The following TUFT1 variants were observed in gnomAD, a reference collection of about 807,000 sequenced individuals.
TUFT1 encodes tuftelin 1.
TUFT1 carries 43 observed loss-of-function variants against 57.8 expected under a neutral mutation model. The observed-to-expected ratio is 0.74, with a 90% CI of 0.58 to 0.96. The LOEUF (loss-of-function observed/expected upper bound fraction) is 0.96, where lower values mean the gene tolerates loss of function less well. TUFT1 is among the 40% of genes least tolerant of loss of function. The pLI, the probability that TUFT1 is intolerant of heterozygous loss-of-function variation, is 0.00. For synonymous variants in TUFT1, 166 were observed against 176.7 expected, an observed-to-expected ratio of 0.94 and a Z score of 0.48; for missense variants, 459 against 489.0, an observed-to-expected ratio of 0.94 and a Z score of 0.58.
Position 151,545,984 on chromosome 1 carries a change from C to T in TUFT1, c.60+5558C>T, listed in dbSNP as rs937592723. The T allele has an allele frequency of 3.4e-5, 10 of 290,476 alleles. No individual in the cohort carries two copies. In the East Asian group the frequency reaches 5.1e-4, roughly 15 times the overall value. The allele number at this position is 290,476 out of a possible 1,614,324, so 18.0% of individuals were successfully genotyped here. A position where few individuals can be genotyped will look rare whatever the true frequency, so the allele number is the denominator to read the frequency against. On this transcript the variant is annotated intron_variant, in intron 1 of 12. Coordinates refer to ENST00000368849, the MANE Select transcript of TUFT1 (RefSeq NM_020127.3). ...TAATATATCAGTTTTATCTTTCTTT[C>T]GAATATTTGCATTTTTTTCTTTTTT... is the stretch of plus-strand genomic sequence containing the variant.
chr1:151,573,974 A>G (rs1666356203), intron 7 of TUFT1, among the ~76,000 whole-genome samples: 2 of 152,262 alleles, frequency 1.3e-5, no homozygotes, highest in East Asian at 1.9e-4. Context: ...TGGAGGGTTC[A>G]TGGGGATGTT....
chr1:151,582,808 AGGG>A lies in TUFT1; in HGVS notation c.*1102_*1104del, dbSNP rs1666683522. The A allele has an allele frequency of 6.6e-6, 1 of 152,418 alleles. No homozygotes were observed. Among genetic ancestry groups the A allele is most frequent in the African/African-American group, 2.4e-5 (1 of 41,418 alleles). The allele number at this position is 152,418 out of a possible 1,614,324, so 9.4% of individuals were successfully genotyped here. A position where few individuals can be genotyped will look rare whatever the true frequency, so the allele number is the denominator to read the frequency against. ...CAGAGTATATGTTGTTTGGAGAAAG[AGGG>A]CAATCAGGACTCTTCTGGGACCCAG... is the stretch of plus-strand genomic sequence containing the variant. On this transcript the variant is annotated 3_prime_UTR_variant, in exon 13 of 13. Transcript: ENST00000368849.
intron 9 of TUFT1, among the ~76,000 whole-genome samples, chr1:151,575,983 C>T (rs1004983615): frequency 2.0e-5 from 3 of 152,086 alleles, no homozygotes; most frequent in Non-Finnish European, 1.5e-5. Context: ...ACTCCTTCCT[C>T]GGTGGGTAGG....
At chr1:151,544,329 C>G (rs1665264887) in intron 1 of TUFT1, among the ~76,000 whole-genome samples, 1 of 152,026 alleles carries the variant, frequency 6.6e-6, no homozygotes, top group Admixed American at 6.6e-5. Context: ...TGGAGTCTCA[C>G]TCTGTCACCC....
chr1:151,575,530 G>A (rs1015984569), intron 9 of TUFT1, among the ~76,000 whole-genome samples: 4 of 152,162 alleles, frequency 2.6e-5, no homozygotes, highest in Non-Finnish European at 5.9e-5. Flanking sequence ...TGATCACTGA[G>A]ATCCTTTCTA....
In TUFT1 at chr1:151,574,909, A is replaced by G; in HGVS notation, c.724-2A>G. ...CTAGATTTTCTTTTGTGGCCCACCCAGGAGCATCAGGCCTTACTGGCGAAA... is the reference window on the plus strand; with the variant it reads ...CTAGATTTTCTTTTGTGGCCCACCCGGGAGCATCAGGCCTTACTGGCGAAA... On this transcript the variant is annotated splice_acceptor_variant, in intron 8 of 12. Transcript: ENST00000368849. LOFTEE classifies it high-confidence loss of function. 6.4e-6 allele frequency: 10 copies of G among 1,566,072 alleles called. No homozygotes were observed. The highest frequency in any genetic ancestry group is 8.7e-6 in the Non-Finnish European group (10 of 1,154,730).
At chr1:151,564,034 T>G in intron 4 of TUFT1, 44 bp downstream of exon 4, 9 of 1,465,694 alleles carry the variant, frequency 6.1e-6, no homozygotes, top group African/African-American at 2.8e-5. Flanking sequence ...GTCATTTCTC[T>G]AAATCTCACA....
At chr1:151,540,783 C>A in intron 1 of TUFT1, 1 of 242,074 alleles carries the variant, frequency 4.1e-6, no homozygotes, top group Non-Finnish European at 8.2e-6. Context: ...GGTCCCTGAG[C>A]GCCTTTGGAC....
intron 7 of TUFT1, among the ~76,000 whole-genome samples, chr1:151,573,744 C>CA (rs796875232): frequency 1.3e-4 from 19 of 150,742 alleles, no homozygotes; most frequent in South Asian, 8.4e-4. Context: ...AACTCTGTCT[C>CA]AAAAAAAAAT....
In TUFT1 at chr1:151,564,541, A is replaced by T; in HGVS notation, c.341A>T (p.Gln114Leu). The T allele has an allele frequency of 6.2e-7, 1 of 1,614,122 alleles. No individual in the cohort carries two copies. Among genetic ancestry groups the T allele is most frequent in the Non-Finnish European group, 8.5e-7 (1 of 1,179,992 alleles). ...QYIQEARNCLQKLREDISSKL... is the reference protein window; with the variant it reads ...QYIQEARNCLLKLREDISSKL... Reference sequence around the variant, plus strand: ...CCCTCCCAGGCCAGGAACTGCCTACAGAAGCTCCGGGAGGATATAAGTAGC... The same window carrying T: ...CCCTCCCAGGCCAGGAACTGCCTACTGAAGCTCCGGGAGGATATAAGTAGC... The change falls in exon 5 of 13, where the codon CAG (glutamine) becomes CTG (leucine). Residue 114 changes from glutamine (Q) to leucine (L), a missense_variant. Coordinates refer to ENST00000368849, the MANE Select transcript of TUFT1 (RefSeq NM_020127.3).
At chr1:151,577,636 G>C (rs1410341939) in intron 9 of TUFT1, among the ~76,000 whole-genome samples, 19 of 152,158 alleles carry the variant, frequency 1.2e-4, no homozygotes, top group Admixed American at 1.2e-3. Flanking sequence ...AGGAGACCTA[G>C]AAACAAAATT....
At chr1:151,545,011 GT>G (rs1463041048) in intron 1 of TUFT1, among the ~76,000 whole-genome samples, 16 of 152,048 alleles carry the variant, frequency 1.1e-4, no homozygotes, top group African/African-American at 3.6e-4. Context: ...TAGCATTGTG[GT>G]CAAGAGCATG....
At chr1:151,540,864 A>G (rs577165151) in intron 1 of TUFT1, 4 of 164,802 alleles carry the variant, frequency 2.4e-5, no homozygotes, top group African/African-American at 7.2e-5. Context: ...AGGCCCTCCA[A>G]AGAATTTCAT....
chr1:151,566,774 T>A (rs946839800), intron 6 of TUFT1, among the ~76,000 whole-genome samples: 2 of 152,146 alleles, frequency 1.3e-5, no homozygotes, highest in African/African-American at 4.8e-5. Context: ...TCATGGTAAA[T>A]ACATTATTCT....
At chr1:151,551,469 G>A (rs890426233) in intron 1 of TUFT1, among the ~76,000 whole-genome samples, 2 of 152,192 alleles carry the variant, frequency 1.3e-5, no homozygotes, top group Non-Finnish European at 2.9e-5. Flanking sequence ...TAAAGTGCAG[G>A]ATATGTAGGT....
At chr1:151,557,820 C>T in intron 1 of TUFT1, 7 of 754,308 alleles carry the variant, frequency 9.3e-6, no homozygotes, top group Admixed American at 1.7e-5. Context: ...CAGAGATAAC[C>T]TACAGACGGA....
chr1:151,555,802 T>C (rs1483825902), intron 1 of TUFT1, among the ~76,000 whole-genome samples: 2 of 149,592 alleles, frequency 1.3e-5, no homozygotes, highest in Admixed American at 1.3e-4. Context: ...AAAAAGATAA[T>C]TATAGATTCA....
intron 1 of TUFT1, chr1:151,557,593 C>T: frequency 9.1e-7 from 1 of 1,097,354 alleles, no homozygotes; most frequent in Non-Finnish European, 1.4e-6. Flanking sequence ...GGCCATGCAG[C>T]CTCTCAAGTC....
Position 151,581,847 on chromosome 1 carries a change from A to G in TUFT1, c.*140A>G, listed in dbSNP as rs1666655790. The G allele has an allele frequency of 2.4e-6, 2 of 846,776 alleles. No individual in the cohort carries two copies. Among genetic ancestry groups the G allele is most frequent in the Admixed American group, 2.1e-5 (1 of 48,644 alleles). 52.5% of individuals were successfully genotyped at this position (846,776 alleles called of 1,614,324 possible). A position where few individuals can be genotyped will look rare whatever the true frequency, so the allele number is the denominator to read the frequency against. Reference sequence around the variant, plus strand: ...GGACTTCGGGCTCCTGTGTCTCACCATTCCCAAGCCCCTGGCCACTCTAAG... The same window carrying G: ...GGACTTCGGGCTCCTGTGTCTCACCGTTCCCAAGCCCCTGGCCACTCTAAG... On this transcript the variant is annotated 3_prime_UTR_variant, in exon 13 of 13. Transcript: ENST00000368849.
Sources: gnomAD v4.1 joint callset for allele counts (sites outside exome capture counted in the v4.1 genomes callset) on GRCh38, gnomAD v4.1.1 for gene constraint, MANE v1.5 for transcripts, NCBI Gene and HGNC (gene_info 2026-07-23, HGNC 2026-07-21) for gene names.